The following PDE10A variants were observed in gnomAD, a reference collection of about 807,000 sequenced individuals.
PDE10A encodes the protein cAMP and cAMP-inhibited cGMP 3',5'-cyclic phosphodiesterase 10A.
In PDE10A, 39 loss-of-function variants were observed where a neutral mutation model predicts 97.7. The ratio of observed to expected loss-of-function variants is 0.40; its 90% CI spans 0.31 to 0.52. The LOEUF is 0.52. Ranked by LOEUF, PDE10A falls within the 20% of genes least tolerant of loss-of-function variation. The pLI, the probability that PDE10A is intolerant of heterozygous loss-of-function variation, is 0.56. For synonymous variants in PDE10A, 371 were observed against 376.8 expected, an observed-to-expected ratio of 0.98 and a Z score of 0.18; for missense variants, 731 against 1,047.8, an observed-to-expected ratio of 0.70 and a Z score of 4.17.
chr6:165,966,171 G>A (rs975431531), intron 1 of PDE10A, among the ~76,000 whole-genome samples: 1 of 152,042 alleles, frequency 6.6e-6, no homozygotes, highest in Non-Finnish European at 1.5e-5. Flanking sequence ...GAGTGGGGAT[G>A]TAGAGATGAA....
intron 18 of PDE10A, among the ~76,000 whole-genome samples, chr6:165,346,281 C>T (rs2128183013): frequency 6.6e-6 from 1 of 152,198 alleles, no homozygotes; most frequent in South Asian, 2.1e-4. Context: ...GTGAGGGCAG[C>T]TTGAAGTATG....
At position 165,943,461 on chromosome 6, in the gene PDE10A, A is replaced by G. The variant is rs967103973; in HGVS notation, c.-615+44068T>C. 3.3e-5 allele frequency among the ~76,000 whole-genome samples: 5 copies of G among 152,296 alleles called. 1 individual carries two copies. The South Asian group carries it at 1.0e-3, about 32-fold the overall frequency. ...ATTACGGAGGCTAGCAAGTCCCATG[A>G]TCTGTTGCCTACACACTGGAGAACT... On this transcript the variant is annotated intron_variant, in intron 1 of 19. Transcript: ENST00000366882.
chr6:165,621,019 CAAA>C (rs554929440), intron 1 of PDE10A, among the ~76,000 whole-genome samples: 11 of 107,358 alleles, frequency 1.0e-4, no homozygotes, highest in African/African-American at 1.1e-4. Context: ...GACTCTGTCT[CAAA>C]AAAAAAAAAA....
intron 1 of PDE10A, among the ~76,000 whole-genome samples, chr6:165,641,335 T>A (rs1283824775): frequency 2.6e-5 from 4 of 152,204 alleles, no homozygotes; most frequent in Non-Finnish European, 5.9e-5. Context: ...TCAAGAGTCC[T>A]TTAAAATACA....
rs192752963 is a variant in PDE10A, at chr6:165,565,456, A to G, written c.866-21888T>C. On this transcript the variant is annotated intron_variant, in intron 1 of 21. Transcript: ENST00000539869. ...TGATGAAAAAAACTCAAACAACTAA[A>G]TAAGTGGATACATATTCCATGTTAA... Among the ~76,000 whole-genome samples, 24 of 152,332 alleles carry G rather than the reference A, an allele frequency of 1.6e-4. No individual in the cohort carries two copies. The East Asian group carries it at 4.1e-3, about 26-fold the overall frequency.
At chr6:165,367,404 C>T (rs1783852066) in intron 18 of PDE10A, among the ~76,000 whole-genome samples, 1 of 151,944 alleles carries the variant, frequency 6.6e-6, no homozygotes, top group South Asian at 2.1e-4. Flanking sequence ...CATACAGAGC[C>T]TTAATAACCT....
intron 3 of PDE10A, among the ~76,000 whole-genome samples, chr6:165,450,678 C>A (rs975930725): frequency 1.3e-5 from 2 of 152,044 alleles, no homozygotes; most frequent in Non-Finnish European, 2.9e-5. Flanking sequence ...ACCTCAGCCT[C>A]CCAAGCAGCT....
At chr6:165,923,359 T>C (rs1265020269) in intron 1 of PDE10A, among the ~76,000 whole-genome samples, 1 of 152,230 alleles carries the variant, frequency 6.6e-6, no homozygotes, top group African/African-American at 2.4e-5. Flanking sequence ...ACAAGGCCTA[T>C]TCCAGGTGTT....
chr6:165,782,696 A>G (rs1295370076), intron 1 of PDE10A, among the ~76,000 whole-genome samples: 1 of 152,196 alleles, frequency 6.6e-6, no homozygotes, highest in Non-Finnish European at 1.5e-5. Context: ...TTCTAAAACT[A>G]AGATGCCTAT....
At chr6:165,943,309 AGG>A (rs1262852167) in intron 1 of PDE10A, among the ~76,000 whole-genome samples, 2,287 of 80,264 alleles carry the variant, frequency 0.028, 487 homozygotes, top group African/African-American at 0.079. Context: ...GAAAGAAAGA[AGG>A]AAGGAAGGAA....
chr6:165,764,364 T>A (rs1777749147), intron 1 of PDE10A, among the ~76,000 whole-genome samples: 1 of 152,206 alleles, frequency 6.6e-6, no homozygotes, highest in African/African-American at 2.4e-5. Context: ...ATCCTAGTGT[T>A]AAAAATCTGT....
chr6:165,767,284 G>C (rs1289898437), intron 1 of PDE10A, among the ~76,000 whole-genome samples: 1 of 152,208 alleles, frequency 6.6e-6, no homozygotes, highest in Non-Finnish European at 1.5e-5. Flanking sequence ...ATTTCATTGA[G>C]ATTTAATACA....
chr6:165,379,053 G>A (rs1784782394), intron 18 of PDE10A, 141 bp downstream of exon 18: 3 of 584,806 alleles, frequency 5.1e-6, no homozygotes, highest in Non-Finnish European at 8.8e-6. Context: ...ATATAAACAA[G>A]ATGTACATAA....
At chr6:165,905,518 T>A (rs1562791656) in intron 1 of PDE10A, among the ~76,000 whole-genome samples, 1 of 152,170 alleles carries the variant, frequency 6.6e-6, no homozygotes, top group Non-Finnish European at 1.5e-5. Flanking sequence ...TGGTTATACT[T>A]GTAAGGAGTC....
At chr6:165,921,526 A>G (rs1417777636) in intron 1 of PDE10A, among the ~76,000 whole-genome samples, 1 of 152,208 alleles carries the variant, frequency 6.6e-6, no homozygotes, top group Non-Finnish European at 1.5e-5. Flanking sequence ...AGAACAGGAG[A>G]AGAAAGATCA....
intron 8 of PDE10A, among the ~76,000 whole-genome samples, chr6:165,430,896 G>A (rs1411767218): frequency 6.6e-6 from 1 of 152,078 alleles, no homozygotes; most frequent in Admixed American, 6.6e-5. Flanking sequence ...TAAAAAGAGA[G>A]AAGGAGAAGA....
rs558324440 is a variant in PDE10A at position 165,818,184 on chromosome 6, C to T, written c.-615+169345G>A. Among the ~76,000 whole-genome samples the T allele has an allele frequency of 5.9e-5, 9 of 152,264 alleles. No homozygotes were observed. The South Asian group carries it at 6.2e-4, about 11-fold the overall frequency. The stretch of plus-strand genomic sequence containing the variant: ...TTTCATCTGCTCGCTCACTGTCACA[C>T]GCACCCATCTTCATCCCATTCCATC... On this transcript the variant is annotated intron_variant, in intron 1 of 19. Coordinates refer to the PDE10A transcript ENST00000366882.
rs933375934 is a variant in PDE10A at position 165,711,433 on chromosome 6, A to G, written c.-614-167865T>C. On this transcript the variant is annotated intron_variant, in intron 1 of 19. Coordinates refer to the PDE10A transcript ENST00000366882. The surrounding 1 kb of genome is among the most constrained non-coding windows in gnomAD (Gnocchi z 4.5). ...GCCACGGAGACCAGAAATTCATGTT[A>G]GCTAGAACACCCTGCTTCTGGTCTT... 1.3e-5 allele frequency among the ~76,000 whole-genome samples: 2 copies of G among 152,144 alleles called. No homozygotes were observed. Among genetic ancestry groups the G allele is most frequent in the African/African-American group, 4.8e-5 (2 of 41,430 alleles).
chr6:165,797,687 A>G (rs1001092613), intron 1 of PDE10A, among the ~76,000 whole-genome samples: 1 of 152,218 alleles, frequency 6.6e-6, no homozygotes, highest in Non-Finnish European at 1.5e-5. Context: ...TAGGTATACT[A>G]TAGCCTGAAA....
Sources: gnomAD v4.1 joint callset for allele counts (sites outside exome capture counted in the v4.1 genomes callset) on GRCh38, gnomAD v4.1.1 for gene constraint, Gnocchi (gnomAD v3.1) non-coding constraint, MANE v1.5 for transcripts, NCBI Gene and HGNC (gene_info 2026-07-23, HGNC 2026-07-21) for gene names.